The following TRPM1 variants were observed in gnomAD, a reference collection of about 807,000 sequenced individuals.
The protein encoded by TRPM1 is TRPM1-203 APA Isoform, Intron 10.
TRPM1 carries 113 observed loss-of-function variants against 149.4 expected under a neutral mutation model. The ratio of observed to expected loss-of-function variants is 0.76; its 90% CI spans 0.65 to 0.88. The LOEUF (loss-of-function observed/expected upper bound fraction) is 0.88, where lower values mean the gene tolerates loss of function less well. Among genes scored for constraint, TRPM1 ranks in the 40% least tolerant of loss-of-function variants. The pLI is 0.00. For missense variants in TRPM1, 1,976 were observed against 2,038.7 expected (o/e 0.97, Z 0.59); for synonymous variants, 741 against 759.5 (o/e 0.98, Z 0.40).
chr15:31,133,374 C>T (rs953333298), intron 1 of TRPM1, among the ~76,000 whole-genome samples: 1 of 151,848 alleles, frequency 6.6e-6, no homozygotes, highest in African/African-American at 2.4e-5. Flanking sequence ...TGGAGAACAG[C>T]ATGATCCACA....
chr15:31,106,687 G>A (rs1057357208), upstream of TRPM1, among the ~76,000 whole-genome samples: 3 of 152,096 alleles, frequency 2.0e-5, no homozygotes, highest in African/African-American at 4.8e-5. Context: ...CACCAGACCC[G>A]TGTCAATGGG....
At chr15:31,068,578 C>T (rs1451548100) in intron 4 of TRPM1, among the ~76,000 whole-genome samples, 1 of 151,518 alleles carries the variant, frequency 6.6e-6, no homozygotes. Flanking sequence ...CCCGTCTCTA[C>T]TAAAAAAAAT....
intron 1 of TRPM1, among the ~76,000 whole-genome samples, chr15:31,152,852 A>G (rs945118711): frequency 3.9e-5 from 6 of 152,198 alleles, no homozygotes; most frequent in African/African-American, 1.2e-4. Context: ...TATGTTGCCC[A>G]GGCTGGTCTT....
chr15:31,149,049 G>A (rs893365222), intron 1 of TRPM1, among the ~76,000 whole-genome samples: 1 of 152,238 alleles, frequency 6.6e-6, no homozygotes, highest in African/African-American at 2.4e-5. Flanking sequence ...TCTGAGAGTG[G>A]CTGGTTCATG....
At chr15:31,058,131 C>A (rs1439576490) in intron 11 of TRPM1, among the ~76,000 whole-genome samples, 1 of 151,034 alleles carries the variant, frequency 6.6e-6, no homozygotes, top group Non-Finnish European at 1.5e-5. Flanking sequence ...TAGGCAGGTA[C>A]CAAACTTTAC....
chr15:31,077,072 T>C (rs1261799944), intron 2 of TRPM1, 88 bp from the exon 3 acceptor site: 1 of 850,034 alleles, frequency 1.2e-6, no homozygotes. Context: ...AAACAATATG[T>C]CTGCCCACAA....
Position 31,076,997 on chromosome 15 carries a change from G to C in TRPM1, c.4-13C>G. On this transcript the variant is annotated splice_polypyrimidine_tract_variant and intron_variant, in intron 2 of 27. Coordinates refer to ENST00000256552, the MANE Select transcript of TRPM1 (RefSeq NM_001252024.2). ...AAGATTTCTGACCCTGGAAGAGAGAGAGAAGTGGATATTGGACCAATACAT... is the reference window on the plus strand; with the variant it reads ...AAGATTTCTGACCCTGGAAGAGAGACAGAAGTGGATATTGGACCAATACAT... The C allele has an allele frequency of 6.3e-7, 1 of 1,586,544 alleles. No homozygotes were observed. Among genetic ancestry groups the C allele is most frequent in the East Asian group, 2.2e-5 (1 of 44,724 alleles).
At chr15:31,045,727 A>G (rs1199233207) in intron 16 of TRPM1, among the ~76,000 whole-genome samples, 1 of 152,134 alleles carries the variant, frequency 6.6e-6, no homozygotes, top group Non-Finnish European at 1.5e-5. Context: ...AAAACTATAT[A>G]TTTTTTAACA....
chr15:31,081,464 G>C (rs2034856768), intron 1 of TRPM1, 26 bp from the exon 2 acceptor site: 2 of 1,445,706 alleles, frequency 1.4e-6, no homozygotes, highest in Non-Finnish European at 1.9e-6. Flanking sequence ...AGAGGAGTAA[G>C]AGTCACTTTG....
chr15:31,057,498 C>T (rs1230865927), intron 11 of TRPM1, among the ~76,000 whole-genome samples: 1 of 152,082 alleles, frequency 6.6e-6, no homozygotes, highest in Non-Finnish European at 1.5e-5. Context: ...CACAAGTTTA[C>T]CTACATAACA....
At chr15:31,142,938 T>C (rs2036178870) in intron 1 of TRPM1, among the ~76,000 whole-genome samples, 2 of 152,238 alleles carry the variant, frequency 1.3e-5, no homozygotes, top group African/African-American at 2.4e-5. Context: ...CAAGTCATAA[T>C]GTCAGTTATT....
chr15:31,113,564 A>C (rs912823439), intron 1 of TRPM1, among the ~76,000 whole-genome samples: 4 of 150,492 alleles, frequency 2.7e-5, no homozygotes, highest in Non-Finnish European at 5.9e-5. Flanking sequence ...TTTTTTTTTA[A>C]CTTTAGGTTC....
intron 1 of TRPM1, among the ~76,000 whole-genome samples, chr15:31,157,428 C>T (rs916230802): frequency 2.6e-5 from 4 of 152,112 alleles, no homozygotes; most frequent in Non-Finnish European, 5.9e-5. Flanking sequence ...TACACATGTG[C>T]TAGAATTTGT....
chr15:31,055,707 C>T (rs62038930), intron 11 of TRPM1, among the ~76,000 whole-genome samples: 8,717 of 152,256 alleles, frequency 0.057, 399 homozygotes, highest in African/African-American at 0.11. Flanking sequence ...GCAGGAGGTT[C>T]AGGCGATACT....
chr15:31,111,211 G>C (rs573223719), intron 1 of TRPM1, among the ~76,000 whole-genome samples: 2 of 152,298 alleles, frequency 1.3e-5, no homozygotes, highest in Non-Finnish European at 1.5e-5. Context: ...AGCATTATCT[G>C]AGCTGGCTTT....
intron 1 of TRPM1, among the ~76,000 whole-genome samples, chr15:31,132,881 A>G (rs2036035682): frequency 6.6e-6 from 1 of 152,190 alleles, no homozygotes. Flanking sequence ...GCTGCTATGT[A>G]AGACAGCTTT....
rs1477066105 is a variant in TRPM1 at position 31,155,907 on chromosome 15, A to T, written c.54+4999T>A. Among the ~76,000 whole-genome samples, 5 of 152,268 alleles carry T rather than the reference A, an allele frequency of 3.3e-5. No individual in the cohort carries two copies. The East Asian group carries it at 9.6e-4, about 29-fold the overall frequency. On this transcript the variant is annotated intron_variant, in intron 1 of 26. Transcript: ENST00000542188. ...CATAACATCACATGACAGATAAAGA[A>T]GGAAATCGGCCAGGTGCAGTGGCTC...
At chr15:31,005,023 A>T (rs1196911079) in intron 27 of TRPM1, among the ~76,000 whole-genome samples, 1 of 152,026 alleles carries the variant, frequency 6.6e-6, no homozygotes, top group East Asian at 1.9e-4. Flanking sequence ...AATTGCTTGC[A>T]CCCAGGAGGC....
chr15:31,077,188 A>T (rs1427255668), intron 2 of TRPM1, among the ~76,000 whole-genome samples: 1 of 152,070 alleles, frequency 6.6e-6, no homozygotes, highest in Non-Finnish European at 1.5e-5. Context: ...AATGGTTCTC[A>T]TTTTGCACCT....
Sources: allele counts gnomAD v4.1 joint callset (sites outside exome capture counted in the v4.1 genomes callset), GRCh38; gene constraint gnomAD v4.1.1; transcripts MANE v1.5; gene names NCBI Gene and HGNC (gene_info 2026-07-23, HGNC 2026-07-21).